The following ADAMTSL1 variants were observed in gnomAD, a reference collection of about 807,000 sequenced individuals.
ADAMTSL1 encodes ADAMTS-like protein 1.
In ADAMTSL1, 126 loss-of-function variants were observed where a neutral mutation model predicts 201.8. The ratio of observed to expected loss-of-function variants is 0.62; its 90% CI spans 0.54 to 0.72. The LOEUF (loss-of-function observed/expected upper bound fraction) is 0.72, where lower values mean the gene tolerates loss of function less well. Ranked by LOEUF, ADAMTSL1 falls within the 30% of genes least tolerant of loss-of-function variation. The probability of loss-of-function intolerance (pLI) is 0.00; values close to 1 mark genes in which losing one functional copy is unlikely to be tolerated. For synonymous variants in ADAMTSL1, 1,121 were observed against 903.4 expected (o/e 1.24, Z -4.32); for missense variants, 2,679 against 2,277.8 (o/e 1.18, Z -3.59).
intron 2 of ADAMTSL1, among the ~76,000 whole-genome samples, chr9:18,367,214 A>G (rs1056430849): frequency 2.0e-5 from 3 of 152,246 alleles, no homozygotes; most frequent in African/African-American, 7.2e-5. Flanking sequence ...AACTGTGACA[A>G]GACACATGTA....
At chr9:18,564,307 C>T (rs1169393117) in intron 3 of ADAMTSL1, among the ~76,000 whole-genome samples, 1 of 152,142 alleles carries the variant, frequency 6.6e-6, no homozygotes, top group Non-Finnish European at 1.5e-5. Flanking sequence ...GGCGACGCAC[C>T]ACCCTGCTTG....
intron 16 of ADAMTSL1, among the ~76,000 whole-genome samples, chr9:18,766,011 C>G (rs10963748): frequency 0.18 from 27,007 of 151,710 alleles, 2,869 homozygotes; most frequent in Admixed American, 0.26. Flanking sequence ...ATGCGAAGGC[C>G]CTGTGGGAGA....
chr9:18,582,693 C>T (rs1237500281), intron 4 of ADAMTSL1, among the ~76,000 whole-genome samples: 1 of 151,490 alleles, frequency 6.6e-6, no homozygotes, highest in African/African-American at 2.4e-5. Context: ...CTTAAAAATA[C>T]AAAATATTAG....
chr9:18,334,227 A>G (rs1320214646), intron 2 of ADAMTSL1, among the ~76,000 whole-genome samples: 1 of 152,146 alleles, frequency 6.6e-6, no homozygotes, highest in African/African-American at 2.4e-5. Context: ...CAGGAGTGCC[A>G]TTTTATTCAT....
intron 1 of ADAMTSL1, among the ~76,000 whole-genome samples, chr9:18,071,071 G>T (rs1822941569): frequency 6.6e-6 from 1 of 152,156 alleles, no homozygotes; most frequent in African/African-American, 2.4e-5. Flanking sequence ...TGAGGTCAAA[G>T]ATCAAGAATA....
rs187789206 is a variant in ADAMTSL1, at chr9:18,130,749, T to C, written c.88-33113T>C. ...ACACATAGGGAACTTTTTTTCTTTT[T>C]TTAACAGACTGTTGCCTCCTCCAAC... On this transcript the variant is annotated intron_variant, in intron 1 of 29. Transcript: ENST00000680146. 4.0e-3 allele frequency among the ~76,000 whole-genome samples: 613 copies of C among 152,294 alleles called. 4 individuals carry two copies. Among genetic ancestry groups the C allele is most frequent in the African/African-American group, 0.013 (549 of 41,572 alleles).
At chr9:18,069,532 A>G (rs913689700) in intron 1 of ADAMTSL1, among the ~76,000 whole-genome samples, 19 of 152,172 alleles carry the variant, frequency 1.2e-4, no homozygotes, top group Non-Finnish European at 2.6e-4. Context: ...TATTGTTTTA[A>G]TGCTGGTTAC....
intron 2 of ADAMTSL1, among the ~76,000 whole-genome samples, chr9:18,314,783 T>TC (rs1834303804): frequency 2.5e-5 from 1 of 39,958 alleles, no homozygotes; most frequent in African/African-American, 1.2e-4. Context: ...GGCAGCGTGC[T>TC]TTTTTTTTTT....
At chr9:18,307,490 T>G (rs1587517559) in intron 2 of ADAMTSL1, among the ~76,000 whole-genome samples, 1 of 151,954 alleles carries the variant, frequency 6.6e-6, no homozygotes, top group Non-Finnish European at 1.5e-5. Context: ...AATAAAAGGA[T>G]GGAGGAATAT....
chr9:18,656,270 G>T (rs1396992249), intron 7 of ADAMTSL1, among the ~76,000 whole-genome samples: 1 of 151,514 alleles, frequency 6.6e-6, no homozygotes, highest in Non-Finnish European at 1.5e-5. Context: ...CACAGAAATA[G>T]GGCTATTTTT....
At chr9:18,184,009 C>G (rs538919814) in intron 2 of ADAMTSL1, among the ~76,000 whole-genome samples, 2 of 152,300 alleles carry the variant, frequency 1.3e-5, no homozygotes, top group Admixed American at 1.3e-4. Flanking sequence ...TAAACTCACC[C>G]TGTTGTCTTA....
chr9:17,998,091 T>C (rs543627448), intron 1 of ADAMTSL1, among the ~76,000 whole-genome samples: 354 of 152,218 alleles, frequency 2.3e-3, no homozygotes, highest in African/African-American at 8.0e-3. Context: ...GCATCTCACA[T>C]AGTCCTAGCC....
At position 18,390,840 on chromosome 9, in the gene ADAMTSL1, G is replaced by C. The variant is rs1587053001; in HGVS notation, c.208-113989G>C. Among the ~76,000 whole-genome samples the C allele has an allele frequency of 2.0e-5, 3 of 152,110 alleles. No individual in the cohort carries two copies. The South Asian group carries it at 6.2e-4, about 32-fold the overall frequency. ...AACACCACCTCAAAACACTGACAAT[G>C]AGGACCCACAGAATTTTAACCTTTC... On this transcript the variant is annotated intron_variant, in intron 2 of 29. Coordinates refer to the ADAMTSL1 transcript ENST00000680146.
intron 1 of ADAMTSL1, among the ~76,000 whole-genome samples, chr9:18,496,248 C>A (rs1028128408): frequency 2.0e-4 from 30 of 152,298 alleles, no homozygotes; most frequent in African/African-American, 6.7e-4. Context: ...ATACTAAGAG[C>A]TTATCATTCC....
intron 2 of ADAMTSL1, among the ~76,000 whole-genome samples, chr9:18,251,023 A>C (rs773972314): frequency 1.3e-5 from 2 of 152,148 alleles, no homozygotes; most frequent in Non-Finnish European, 1.5e-5. Context: ...ATAGAAGAGA[A>C]TGTTAACAAA....
chr9:18,570,524 G>A (rs1336618938), intron 3 of ADAMTSL1, among the ~76,000 whole-genome samples: 1 of 152,116 alleles, frequency 6.6e-6, no homozygotes, highest in Non-Finnish European at 1.5e-5. Context: ...TTAAACATGT[G>A]TATTTCAAGG....
chr9:18,117,640 G>A (rs117771220), intron 1 of ADAMTSL1, among the ~76,000 whole-genome samples: 3,219 of 152,178 alleles, frequency 0.021, 44 homozygotes, highest in Non-Finnish European at 0.033. Context: ...ACAAATGCTG[G>A]AACTTAATTA....
chr9:18,069,966 C>T (rs1563981449), intron 1 of ADAMTSL1, among the ~76,000 whole-genome samples: 1 of 152,160 alleles, frequency 6.6e-6, no homozygotes, highest in Non-Finnish European at 1.5e-5. Flanking sequence ...TCTTTGGTTT[C>T]AGAACTTGTC....
chr9:18,618,477 A>G (rs1166794438), intron 4 of ADAMTSL1, among the ~76,000 whole-genome samples: 1 of 151,710 alleles, frequency 6.6e-6, no homozygotes, highest in Non-Finnish European at 1.5e-5. Flanking sequence ...GGAGATAGAC[A>G]TGTTAATAAA....
Sources: gnomAD v4.1 joint callset for allele counts (sites outside exome capture counted in the v4.1 genomes callset) on GRCh38, gnomAD v4.1.1 for gene constraint, MANE v1.5 for transcripts, NCBI Gene and HGNC (gene_info 2026-07-23, HGNC 2026-07-21) for gene names.